Variants in FGF14 observed in about 807,000 individuals in gnomAD.
The protein encoded by FGF14 is fibroblast growth factor homologous factor 4.
A neutral mutation model predicts 25.5 loss-of-function variants in FGF14; 5 were observed. The observed-to-expected ratio is 0.20, with a 90% confidence interval of 0.10 to 0.41. FGF14 has a LOEUF of 0.41. Ranked by LOEUF, FGF14 falls within the 10% of genes least tolerant of loss-of-function variation. The probability of loss-of-function intolerance (pLI) is 1.00; values close to 1 mark genes in which losing one functional copy is unlikely to be tolerated. For synonymous variants in FGF14, 138 were observed against 118.3 expected, an observed-to-expected ratio of 1.17 and a Z score of -1.08; for missense variants, 222 against 320.1, an observed-to-expected ratio of 0.69 and a Z score of 2.34.
intron 1 of FGF14, among the ~76,000 whole-genome samples, chr13:101,928,874 AT>A (rs368066487): frequency 0.051 from 7,616 of 149,440 alleles, 190 homozygotes; most frequent in Admixed American, 0.076. Flanking sequence ...AGCACAGTCC[AT>A]TTTTTTTTTC....
chr13:101,751,574 C>G (rs184071012), intron 3 of FGF14, among the ~76,000 whole-genome samples: 3 of 151,910 alleles, frequency 2.0e-5, no homozygotes, highest in Non-Finnish European at 2.9e-5. Context: ...CCCAGGTTGA[C>G]GAAGCAAAAA....
chr13:102,096,506 C>T (rs1232855730), intron 1 of FGF14, among the ~76,000 whole-genome samples: 2 of 152,030 alleles, frequency 1.3e-5, no homozygotes, highest in Non-Finnish European at 2.9e-5. Flanking sequence ...GTAACATTCA[C>T]TGAAAACTTA....
chr13:102,166,447 G>A (rs1176196688), intron 1 of FGF14, among the ~76,000 whole-genome samples: 1 of 151,954 alleles, frequency 6.6e-6, no homozygotes, highest in Non-Finnish European at 1.5e-5. Context: ...TAGCAGATGC[G>A]TGCATTCCCA....
At chr13:102,327,971 A>C (rs1395210723) in intron 1 of FGF14, among the ~76,000 whole-genome samples, 1 of 84,944 alleles carries the variant, frequency 1.2e-5, no homozygotes, top group Non-Finnish European at 2.1e-5. Context: ...AGAACCTGGA[A>C]GGATCAAAAA....
intron 1 of FGF14, among the ~76,000 whole-genome samples, chr13:101,908,048 G>A (rs2032464360): frequency 6.6e-6 from 1 of 152,136 alleles, no homozygotes; most frequent in African/African-American, 2.4e-5. Flanking sequence ...ATAGAAGTAA[G>A]GATATAGCTG....
At position 102,098,252 on chromosome 13, in the gene FGF14, G is replaced by C. The variant is rs58104210; in HGVS notation, c.209-222956C>G. 6.1e-3 allele frequency among the ~76,000 whole-genome samples: 927 copies of C among 152,266 alleles called. 4 individuals are homozygous for C. The highest frequency in any genetic ancestry group is 0.012 in the African/African-American group (514 of 41,546). ...AAAACAGACAATCTGTCAGTAGTTT[G>C]CTTTTTTATTTAGCACTCCATTTCT... On this transcript the variant is annotated intron_variant, in intron 1 of 4. Transcript: ENST00000376131.
At chr13:102,370,058 C>T (rs1245317625) in intron 1 of FGF14, among the ~76,000 whole-genome samples, 1 of 152,104 alleles carries the variant, frequency 6.6e-6, no homozygotes, top group African/African-American at 2.4e-5. Flanking sequence ...GTGTTGCAAC[C>T]ACAACTCACT....
Position 101,712,072 on chromosome 13 carries a change from CAGCT to C in FGF14, c.*10755_*10758del, listed in dbSNP as rs1230680916. The C allele has an allele frequency of 1.3e-5, 2 of 152,192 alleles. No individual in the cohort carries two copies. Among genetic ancestry groups the C allele is most frequent in the African/African-American group, 2.4e-5 (1 of 41,446 alleles). 9.4% of individuals were successfully genotyped at this position (152,192 alleles called of 1,614,324 possible). On this transcript the variant is annotated 3_prime_UTR_variant, in exon 5 of 5. Coordinates refer to ENST00000376143, the MANE Select transcript of FGF14 (RefSeq NM_004115.4). ...ATTTGACCCATGTTATGGAAGAAAA[CAGCT>C]AGAGCGTTCTACAGGAAAAGTGCTA...
At chr13:101,865,738 C>T (rs1012605580) in intron 3 of FGF14, among the ~76,000 whole-genome samples, 4 of 151,998 alleles carry the variant, frequency 2.6e-5, no homozygotes, top group African/African-American at 7.2e-5. Context: ...GTCAAATCAC[C>T]GTTGTGATAT....
At chr13:101,824,170 A>T (rs1306113502) in intron 3 of FGF14, among the ~76,000 whole-genome samples, 3 of 152,062 alleles carry the variant, frequency 2.0e-5, no homozygotes, top group African/African-American at 7.2e-5. Flanking sequence ...TAACACTTTA[A>T]TGATTACTTT....
chr13:102,135,692 A>G (rs551094909), intron 1 of FGF14, among the ~76,000 whole-genome samples: 4 of 152,212 alleles, frequency 2.6e-5, no homozygotes, highest in South Asian at 4.1e-4. Context: ...GTCTCGCTCT[A>G]TTGCTCAGGC....
At chr13:102,363,168 T>C (rs1285468736) in intron 1 of FGF14, among the ~76,000 whole-genome samples, 1 of 152,168 alleles carries the variant, frequency 6.6e-6, no homozygotes, top group Non-Finnish European at 1.5e-5. Context: ...CGAAATGTAA[T>C]TTTGCACCAA....
intron 3 of FGF14, among the ~76,000 whole-genome samples, chr13:101,787,907 T>C (rs897945075): frequency 9.9e-5 from 15 of 152,154 alleles, no homozygotes; most frequent in African/African-American, 3.1e-4. Context: ...GTTTAGCTCT[T>C]ATTGCCCAGG....
intron 1 of FGF14, among the ~76,000 whole-genome samples, chr13:101,908,319 C>CA (rs952445252): frequency 6.6e-6 from 1 of 152,138 alleles, no homozygotes; most frequent in African/African-American, 2.4e-5. Context: ...CCCCACTCTT[C>CA]AAAGCTATGC....
chr13:101,729,727 T>G (rs927442191), intron 3 of FGF14, among the ~76,000 whole-genome samples: 13 of 136,900 alleles, frequency 9.5e-5, no homozygotes, highest in African/African-American at 3.6e-4. Flanking sequence ...TATATCCTGA[T>G]CAGTTATTTC....
At chr13:102,212,042 G>C (rs1431098634) in intron 1 of FGF14, among the ~76,000 whole-genome samples, 3 of 151,978 alleles carry the variant, frequency 2.0e-5, no homozygotes, top group African/African-American at 7.3e-5. Flanking sequence ...GGGCTCCTTC[G>C]TTTCCAGGTT....
chr13:101,826,129 A>G (rs1405063063), intron 3 of FGF14, among the ~76,000 whole-genome samples: 3 of 152,128 alleles, frequency 2.0e-5, no homozygotes, highest in African/African-American at 7.2e-5. Context: ...AATAGAAATG[A>G]TGCATTTCAA....
chr13:101,975,284 C>A (rs1349903850), intron 1 of FGF14, among the ~76,000 whole-genome samples: 2 of 152,140 alleles, frequency 1.3e-5, no homozygotes, highest in African/African-American at 4.8e-5. Flanking sequence ...CCAGGGCTGT[C>A]CTCCAGTGGG....
chr13:102,180,096 G>A (rs1001080824), intron 1 of FGF14, among the ~76,000 whole-genome samples: 15 of 152,076 alleles, frequency 9.9e-5, no homozygotes, highest in Non-Finnish European at 2.1e-4. Context: ...TGGAGAGAAA[G>A]GTTAACATTG....
Sources: gnomAD v4.1 joint callset for allele counts (sites outside exome capture counted in the v4.1 genomes callset) on GRCh38, gnomAD v4.1.1 for gene constraint, MANE v1.5 for transcripts, NCBI Gene and HGNC (gene_info 2026-07-23, HGNC 2026-07-21) for gene names.